Variants in UFD1 observed in about 807,000 individuals in gnomAD.
UFD1 encodes ubiquitin recognition factor in ER associated degradation 1, also known as ubiquitin recognition factor in ER-associated degradation protein 1.
Under a neutral mutation model 45.9 loss-of-function variants are expected in UFD1, and 13 were observed. That is an observed-to-expected ratio of 0.28 (90% CI 0.18 to 0.45). The LOEUF (loss-of-function observed/expected upper bound fraction) is 0.45. Ranked by LOEUF, UFD1 falls within the 20% of genes least tolerant of loss-of-function variation. The pLI is 1.00. For synonymous variants in UFD1, 128 were observed against 139.2 expected (o/e 0.92, Z 0.56); for missense variants, 218 against 389.2 (o/e 0.56, Z 3.70).
chr22:19,477,405 G>A (rs1361412523), intron 1 of UFD1, among the ~76,000 whole-genome samples: 1 of 152,214 alleles, frequency 6.6e-6, no homozygotes, highest in Non-Finnish European at 1.5e-5. Flanking sequence ...TGAACCTTGA[G>A]GATATCATGC....
intron 6 of UFD1, among the ~76,000 whole-genome samples, chr22:19,458,969 G>A (rs1300565727): frequency 6.6e-6 from 1 of 152,094 alleles, no homozygotes; most frequent in Non-Finnish European, 1.5e-5. Context: ...CTACAGTTGG[G>A]CAAAATCATC....
intron 5 of UFD1, chr22:19,466,204 C>G (rs2238769): frequency 0.19 from 29,273 of 152,166 alleles, 2,905 homozygotes; most frequent in East Asian, 0.31. Flanking sequence ...TGCCACGGTA[C>G]GAAGTGCCCT....
At chr22:19,459,735 CTTTTT>C (rs35629488) in intron 6 of UFD1, among the ~76,000 whole-genome samples, 1 of 88,994 alleles carries the variant, frequency 1.1e-5, no homozygotes. Flanking sequence ...GTCTGTCTTG[CTTTTT>C]TTTTTTTTTT....
At chr22:19,468,729 C>A (rs753624764) in intron 4 of UFD1, among the ~76,000 whole-genome samples, 1 of 152,158 alleles carries the variant, frequency 6.6e-6, no homozygotes, top group African/African-American at 2.4e-5. Context: ...AGAGCTCCCA[C>A]GCACCGAGCC....
chr22:19,479,049 G>GCCCAGC lies in UFD1; in HGVS notation c.3+28_3+33dup, dbSNP rs772172223. On this transcript the variant is annotated intron_variant, in intron 1 of 11. Coordinates refer to ENST00000263202, the MANE Select transcript of UFD1 (RefSeq NM_005659.7). The stretch of plus-strand genomic sequence containing the variant: ...GCCCTACCTCAGGCCCCGGGCCAAG[G>GCCCAGC]CCCAGCCCCCGCCCGCTGCCCGTCA... 1.9e-5 allele frequency: 31 copies of GCCCAGC among 1,605,194 alleles called. No homozygotes were observed. The East Asian group carries it at 6.7e-4, about 35-fold the overall frequency.
intron 3 of UFD1, among the ~76,000 whole-genome samples, 182 bp downstream of exon 3, chr22:19,474,886 T>A (rs1256846048): frequency 6.6e-6 from 1 of 152,126 alleles, no homozygotes; most frequent in African/African-American, 2.4e-5. Context: ...CAGGGGGCCC[T>A]GGCCTCGCCC....
At chr22:19,474,035 G>C (rs536438020) in intron 3 of UFD1, among the ~76,000 whole-genome samples, 1 of 152,300 alleles carries the variant, frequency 6.6e-6, no homozygotes, top group African/African-American at 2.4e-5. Flanking sequence ...TTCTGTGCCT[G>C]TGTAGTATGG....
intron 1 of UFD1, among the ~76,000 whole-genome samples, chr22:19,477,664 T>C (rs529989174): frequency 7.8e-4 from 116 of 149,008 alleles, no homozygotes; most frequent in African/African-American, 2.7e-3. Flanking sequence ...ACGGTTAAGA[T>C]GATAAAAATT....
chr22:19,453,651 G>C (rs2089699840), intron 11 of UFD1: 1 of 985,566 alleles, frequency 1.0e-6, no homozygotes, highest in Non-Finnish European at 1.2e-6. Flanking sequence ...TTGCTCCTCT[G>C]AGCCTGAAAG....
At chr22:19,451,201 A>G in intron 11 of UFD1, 1 of 986,432 alleles carries the variant, frequency 1.0e-6, no homozygotes, top group Non-Finnish European at 1.2e-6. Context: ...TGCTTAAAGA[A>G]TTGTTTTCCC....
At chr22:19,456,554 A>G in intron 9 of UFD1, 33 bp downstream of exon 9, 1 of 1,614,128 alleles carries the variant, frequency 6.2e-7, no homozygotes, top group East Asian at 2.2e-5. Flanking sequence ...AGCAGAGGGC[A>G]CAGCAATATA....
chr22:19,478,296 G>A (rs1453265148), intron 1 of UFD1, among the ~76,000 whole-genome samples: 2 of 152,074 alleles, frequency 1.3e-5, no homozygotes, highest in African/African-American at 4.8e-5. Context: ...GACACACTTG[G>A]GATAAAATCT....
At chr22:19,471,592 G>A in intron 4 of UFD1, 95 bp downstream of exon 4, 10 of 1,532,594 alleles carry the variant, frequency 6.5e-6, no homozygotes, top group Non-Finnish European at 7.9e-6. Flanking sequence ...AGGAGGAGTA[G>A]GCGGGGCCAC....
At chr22:19,450,804 TTA>T in intron 11 of UFD1, 60 bp from the exon 12 acceptor site, 1 of 1,612,704 alleles carries the variant, frequency 6.2e-7, no homozygotes, top group Non-Finnish European at 8.5e-7. Context: ...AATAAATGCC[TTA>T]CTCTATGGAC....
At chr22:19,470,620 T>G in intron 4 of UFD1, 1 of 398,568 alleles carries the variant, frequency 2.5e-6, no homozygotes, top group South Asian at 1.9e-5. Context: ...CTTTGTATTT[T>G]TAGTAGAGAC....
chr22:19,475,618 A>G lies in UFD1; in HGVS notation c.4-16T>C, dbSNP rs754336735. ...TGAAAGAGAACTAGAAGGAGGAAAG[A>G]GAAACAAGTATTAAAACAAAGGTAC... On this transcript the variant is annotated splice_polypyrimidine_tract_variant and intron_variant, in intron 1 of 11. Coordinates refer to ENST00000263202, the MANE Select transcript of UFD1 (RefSeq NM_005659.7). The G allele has an allele frequency of 2.9e-5, 47 of 1,613,642 alleles. No individual in the cohort carries two copies. The highest frequency in any genetic ancestry group is 3.8e-5 in the Non-Finnish European group (45 of 1,179,876).
chr22:19,470,958 G>A (rs9618577), intron 4 of UFD1, among the ~76,000 whole-genome samples: 162 of 152,290 alleles, frequency 1.1e-3, no homozygotes, highest in African/African-American at 3.7e-3. Flanking sequence ...ACAAAGAGAA[G>A]GACAAGCAGG....
chr22:19,463,971 A>G (rs987959100), intron 6 of UFD1, among the ~76,000 whole-genome samples: 4 of 152,264 alleles, frequency 2.6e-5, no homozygotes, highest in Admixed American at 2.6e-4. Context: ...CAATAACATT[A>G]AACTGCCTGT....
intron 5 of UFD1, chr22:19,465,477 T>C: frequency 1.9e-6 from 1 of 524,080 alleles, no homozygotes; most frequent in Non-Finnish European, 3.4e-6. Flanking sequence ...AATGCCAAGC[T>C]GGGGTAACAA....
Sources: gnomAD v4.1 joint callset for allele counts (sites outside exome capture counted in the v4.1 genomes callset) on GRCh38, gnomAD v4.1.1 for gene constraint, MANE v1.5 for transcripts, NCBI Gene and HGNC (gene_info 2026-07-23, HGNC 2026-07-21) for gene names.